NEMF: variants seen among roughly 807,000 people sequenced by gnomAD.
NEMF encodes the protein ribosome quality control complex subunit NEMF.
In NEMF, 89 loss-of-function variants were observed where a neutral mutation model predicts 162.2. The ratio of observed to expected loss-of-function variants is 0.55; its 90% CI spans 0.46 to 0.65. The LOEUF is 0.65. NEMF is among the 30% of genes least tolerant of loss of function. The probability of loss-of-function intolerance (pLI) is 0.00; values close to 1 mark genes in which losing one functional copy is unlikely to be tolerated. For missense variants in NEMF, 1,133 were observed against 1,261.9 expected (o/e 0.90, Z 1.55); for synonymous variants, 421 against 404.5 (o/e 1.04, Z -0.49).
At position 49,821,360 on chromosome 14, in the gene NEMF, TG is replaced by T. The variant is rs1399074511; in HGVS notation, c.1577+4506del. Among the ~76,000 whole-genome samples, 4 of 1,866 alleles carry T rather than the reference TG, an allele frequency of 2.1e-3. 1 individual carries two copies. Among genetic ancestry groups the T allele is most frequent in the African/African-American group, 2.3e-3 (4 of 1,724 alleles). The allele number at this position is 1,866 out of a possible 152,430, so 1.2% of individuals were successfully genotyped here. The stretch of plus-strand genomic sequence containing the variant: ...CCAGCCGCCCCGTCCGGGAGGGAGG[TG>T]GGGGGGGTCAGCCCCCCGCCCGGCC... On this transcript the variant is annotated intron_variant, in intron 16 of 32. Transcript: ENST00000298310.
chr14:49,787,978 C>T (rs778705092), intron 28 of NEMF, among the ~76,000 whole-genome samples: 32 of 152,050 alleles, frequency 2.1e-4, no homozygotes, highest in Middle Eastern at 3.2e-3. Context: ...CTATTTTAAG[C>T]CGTTATTAAA....
At chr14:49,822,659 G>A (rs1319813207) in intron 16 of NEMF, among the ~76,000 whole-genome samples, 13 of 92,456 alleles carry the variant, frequency 1.4e-4, no homozygotes, top group Admixed American at 7.0e-4. Flanking sequence ...GAAAGATCCA[G>A]TCTCTACTTA....
chr14:49,844,181 T>C (rs1893354467), intron 4 of NEMF, among the ~76,000 whole-genome samples: 1 of 151,358 alleles, frequency 6.6e-6, no homozygotes, highest in African/African-American at 2.4e-5. Flanking sequence ...TGGAAGACAA[T>C]TTTTCCATGG....
chr14:49,791,735 T>TAA (rs10586126), intron 26 of NEMF, among the ~76,000 whole-genome samples: 155 of 141,098 alleles, frequency 1.1e-3, no homozygotes, highest in African/African-American at 4.0e-3. Context: ...AGACTCCATT[T>TAA]AAAAAAAAAA....
rs574916617 is a variant in NEMF, at chr14:49,791,249, C to T, written c.2620-1676G>A. Among the ~76,000 whole-genome samples the T allele has an allele frequency of 8.6e-5, 13 of 151,830 alleles. No homozygotes were observed. The South Asian group carries it at 2.5e-3, about 29-fold the overall frequency. On this transcript the variant is annotated intron_variant, in intron 26 of 32. Coordinates refer to ENST00000298310, the MANE Select transcript of NEMF (RefSeq NM_004713.6). The stretch of plus-strand genomic sequence containing the variant: ...ACTCAGGAGGCTGAAGCAGGAGAAT[C>T]GCTTGAACCCAGGAGGCAGAGGTTG...
intron 31 of NEMF, 27 bp downstream of exon 31, chr14:49,785,065 A>G (rs1230953792): frequency 4.4e-6 from 7 of 1,607,804 alleles, no homozygotes; most frequent in Non-Finnish European, 6.0e-6. Flanking sequence ...GTTTAAAATC[A>G]TAATTCAAAA....
At chr14:49,835,871 T>C (rs1203480113) in intron 6 of NEMF, among the ~76,000 whole-genome samples, 1 of 152,140 alleles carries the variant, frequency 6.6e-6, no homozygotes, top group Admixed American at 6.6e-5. Context: ...AAAAATGAAA[T>C]TAAGAAAATT....
chr14:49,789,119 A>G, intron 28 of NEMF, 27 bp downstream of exon 28: 3 of 1,597,982 alleles, frequency 1.9e-6, no homozygotes, highest in Non-Finnish European at 2.6e-6. Context: ...CCTAATTAAG[A>G]AGCAGAAGCC....
intron 4 of NEMF, chr14:49,844,750 C>A: frequency 3.5e-6 from 1 of 282,732 alleles, no homozygotes. Context: ...CACACACACA[C>A]ACACACACAC....
intron 16 of NEMF, among the ~76,000 whole-genome samples, chr14:49,817,791 A>C (rs1891791448): frequency 6.6e-6 from 1 of 152,234 alleles, no homozygotes; most frequent in Admixed American, 6.5e-5. Context: ...CCTTACATTT[A>C]CTAAATAATT....
chr14:49,799,688 TA>T lies in NEMF; in HGVS notation c.2373-11del, dbSNP rs1890868722. The T allele has an allele frequency of 1.2e-6, 2 of 1,607,844 alleles. No homozygotes were observed. Among genetic ancestry groups the T allele is most frequent in the East Asian group, 4.5e-5 (2 of 44,790 alleles). On this transcript the variant is annotated splice_polypyrimidine_tract_variant and intron_variant, in intron 23 of 32. Transcript: ENST00000298310. ...CAATTTCTGGATGGACCTATGAAAA[TA>T]AACACAAGGGAGTCTCTACTAGCCT...
intron 4 of NEMF, among the ~76,000 whole-genome samples, chr14:49,842,446 A>T (rs1893261762): frequency 6.6e-6 from 1 of 152,238 alleles, no homozygotes; most frequent in South Asian, 2.1e-4. Context: ...TAATGAAAAT[A>T]AAGCTAACGA....
rs1247650206 is a variant in NEMF at position 49,796,651 on chromosome 14, AT to A, written c.2466-708del. On this transcript the variant is annotated intron_variant, in intron 25 of 32. Transcript: ENST00000298310. ...TAGGCGTGAGCCACCACATCCGGCC[AT>A]TAACTTCTATATTAATCTTCCTTAA... is the stretch of plus-strand genomic sequence containing the variant. 2.0e-5 allele frequency among the ~76,000 whole-genome samples: 3 copies of A among 152,196 alleles called. No homozygotes were observed. The East Asian group carries it at 5.8e-4, about 29-fold the overall frequency.
chr14:49,787,663 T>C (rs1476736587), intron 28 of NEMF, among the ~76,000 whole-genome samples: 1 of 152,184 alleles, frequency 6.6e-6, no homozygotes, highest in East Asian at 1.9e-4. Flanking sequence ...TTCCCATATA[T>C]GAATTGTGGG....
intron 11 of NEMF, among the ~76,000 whole-genome samples, chr14:49,829,751 A>G (rs770156269): frequency 7.2e-5 from 11 of 152,252 alleles, no homozygotes; most frequent in Non-Finnish European, 1.5e-4. Context: ...GCACAAAAGT[A>G]AAGTTTGGGA....
chr14:49,843,303 G>C (rs1411215662), intron 4 of NEMF, among the ~76,000 whole-genome samples: 1 of 152,036 alleles, frequency 6.6e-6, no homozygotes. Flanking sequence ...AGGTCAGCCT[G>C]GGCAACGAAG....
At chr14:49,852,437 A>G (rs572492298) in intron 1 of NEMF, among the ~76,000 whole-genome samples, 4 of 152,324 alleles carry the variant, frequency 2.6e-5, no homozygotes, top group Admixed American at 2.0e-4. Context: ...CAGGCCAACA[A>G]TGCAAGAGCT....
chr14:49,852,617 T>G (rs1186316162), intron 1 of NEMF, 78 bp downstream of exon 1: 1 of 1,469,796 alleles, frequency 6.8e-7, no homozygotes, highest in Non-Finnish European at 9.5e-7. Flanking sequence ...CATATCAAGC[T>G]GGTCTGTTTG....
chr14:49,799,116 G>T (rs1890827598), intron 25 of NEMF, among the ~76,000 whole-genome samples: 1 of 145,554 alleles, frequency 6.9e-6, no homozygotes, highest in Non-Finnish European at 1.5e-5. Flanking sequence ...GGCTGAAGCA[G>T]GAGACTGCCT....
Sources: gnomAD v4.1 joint callset for allele counts (sites outside exome capture counted in the v4.1 genomes callset) on GRCh38, gnomAD v4.1.1 for gene constraint, MANE v1.5 for transcripts, NCBI Gene and HGNC (gene_info 2026-07-23, HGNC 2026-07-21) for gene names.